The following ARHGAP44 variants were observed in gnomAD, a reference collection of about 807,000 sequenced individuals.
The protein encoded by ARHGAP44 is Rho GTPase activating protein 44.
ARHGAP44 carries 43 observed loss-of-function variants against 106.8 expected under a neutral mutation model. The observed-to-expected ratio is 0.40, with a 90% CI of 0.32 to 0.52. The LOEUF (loss-of-function observed/expected upper bound fraction) is 0.52, where lower values mean the gene tolerates loss of function less well. Among genes scored for constraint, ARHGAP44 ranks in the 20% least tolerant of loss-of-function variants. ARHGAP44 has a pLI of 0.48. For synonymous variants in ARHGAP44, 439 were observed against 410.3 expected (o/e 1.07, Z -0.85); for missense variants, 866 against 1,050.5 (o/e 0.82, Z 2.43).
At chr17:12,969,496 ACTC>A (rs1295832181) in intron 16 of ARHGAP44, among the ~76,000 whole-genome samples, 5 of 152,012 alleles carry the variant, frequency 3.3e-5, no homozygotes, top group African/African-American at 9.7e-5. Context: ...ATCAGATAGA[ACTC>A]CTCCATATTA....
At position 12,837,419 on chromosome 17, in the gene ARHGAP44, CAAAAG is replaced by C. The variant is rs988859361; in HGVS notation, c.53+47535_53+47539del. ...CTTGCTATGTACCCACAAAAAAAAG[CAAAAG>C]AAAAGAGGGTTGATTTTTAACATAT... On this transcript the variant is annotated intron_variant, in intron 1 of 20. Transcript: ENST00000379672. 7.9e-5 allele frequency among the ~76,000 whole-genome samples: 12 copies of C among 151,898 alleles called. No individual in the cohort carries two copies. The South Asian group carries it at 1.5e-3, about 18-fold the overall frequency.
intron 1 of ARHGAP44, among the ~76,000 whole-genome samples, chr17:12,871,792 C>A (rs1356785994): frequency 6.6e-6 from 1 of 152,148 alleles, no homozygotes; most frequent in Non-Finnish European, 1.5e-5. Context: ...CTCCCCCCGT[C>A]TCTCTCTTAT....
intron 6 of ARHGAP44, among the ~76,000 whole-genome samples, chr17:12,922,499 C>G (rs530971761): frequency 6.6e-6 from 1 of 152,124 alleles, no homozygotes; most frequent in East Asian, 1.9e-4. Context: ...ACACCATGCT[C>G]CTGGGCAGAG....
intron 1 of ARHGAP44, among the ~76,000 whole-genome samples, chr17:12,808,767 C>T (rs1028911585): frequency 2.0e-5 from 3 of 152,170 alleles, no homozygotes; most frequent in Non-Finnish European, 2.9e-5. Flanking sequence ...TTTGGCTCCT[C>T]GTTACTTATG....
chr17:12,793,577 G>A (rs1051302493), intron 1 of ARHGAP44, among the ~76,000 whole-genome samples: 10 of 152,104 alleles, frequency 6.6e-5, no homozygotes, highest in Non-Finnish European at 1.2e-4. Flanking sequence ...GCATGGTGGC[G>A]GGCGCCTGTA....
rs146806254 is a variant in ARHGAP44 at position 12,962,499 on chromosome 17, G to A, written c.1523+3602G>A. On this transcript the variant is annotated intron_variant, in intron 16 of 20. Transcript: ENST00000379672. Reference sequence around the variant, plus strand: ...AATATGTGATTAAAATAAGGATCTCGAAATAAGGAGATTGATTATTTTGGA... The same window carrying A: ...AATATGTGATTAAAATAAGGATCTCAAAATAAGGAGATTGATTATTTTGGA... Among the ~76,000 whole-genome samples the A allele has an allele frequency of 2.9e-3, 443 of 152,264 alleles. 2 individuals are homozygous for A. The highest frequency in any genetic ancestry group is 9.8e-3 in the African/African-American group (408 of 41,538).
intron 1 of ARHGAP44, among the ~76,000 whole-genome samples, chr17:12,890,522 G>T (rs533216774): frequency 6.6e-6 from 1 of 152,156 alleles, no homozygotes; most frequent in South Asian, 2.1e-4. Context: ...TGAACCCATG[G>T]AAGGCATCTT....
chr17:12,990,222 A>C lies in ARHGAP44; in HGVS notation c.*51A>C. ...GTGTACATACATCACGGGCCCTAGGAACGCCGCCAGGAGCAGCGTCCATGA... is the reference window on the plus strand; with the variant it reads ...GTGTACATACATCACGGGCCCTAGGCACGCCGCCAGGAGCAGCGTCCATGA... On this transcript the variant is annotated 3_prime_UTR_variant, in exon 21 of 21. Transcript: ENST00000379672. The C allele has an allele frequency of 1.3e-6, 2 of 1,573,186 alleles. No homozygotes were observed. The highest frequency in any genetic ancestry group is 1.7e-6 in the Non-Finnish European group (2 of 1,150,546).
chr17:12,962,070 G>A (rs1025336033), intron 16 of ARHGAP44, among the ~76,000 whole-genome samples: 5 of 148,770 alleles, frequency 3.4e-5, no homozygotes, highest in African/African-American at 1.2e-4. Flanking sequence ...TTTTGGCCAA[G>A]TTAAAAAAAA....
chr17:12,803,041 T>C (rs1242277695), intron 1 of ARHGAP44, among the ~76,000 whole-genome samples: 18 of 142,862 alleles, frequency 1.3e-4, no homozygotes, highest in Non-Finnish European at 1.5e-5. Flanking sequence ...GGCGCGATCT[T>C]GGCTCACTGC....
chr17:12,836,002 T>G (rs2035226649), intron 1 of ARHGAP44, among the ~76,000 whole-genome samples: 1 of 152,242 alleles, frequency 6.6e-6, no homozygotes, highest in South Asian at 2.1e-4. Context: ...GGCGGAATAG[T>G]ATTCCATTGT....
At chr17:12,808,506 C>T (rs1035773823) in intron 1 of ARHGAP44, among the ~76,000 whole-genome samples, 3 of 152,214 alleles carry the variant, frequency 2.0e-5, no homozygotes, top group Admixed American at 2.0e-4. Context: ...GGCTCAATAC[C>T]ATGTGGAGGC....
chr17:12,824,422 G>A (rs1330455682), intron 1 of ARHGAP44, among the ~76,000 whole-genome samples: 1 of 152,074 alleles, frequency 6.6e-6, no homozygotes, highest in Non-Finnish European at 1.5e-5. Context: ...AGTTCTAGGG[G>A]CTGGGTCTAG....
intron 1 of ARHGAP44, among the ~76,000 whole-genome samples, chr17:12,845,013 G>T (rs950904046): frequency 1.3e-5 from 2 of 152,146 alleles, no homozygotes; most frequent in Non-Finnish European, 2.9e-5. Flanking sequence ...ATTCTAGTCT[G>T]ACTCTGTCAT....
At chr17:12,989,569 T>A (rs1483672578) in intron 20 of ARHGAP44, among the ~76,000 whole-genome samples, 2 of 152,168 alleles carry the variant, frequency 1.3e-5, no homozygotes, top group Non-Finnish European at 2.9e-5. Flanking sequence ...ATGCAGCTGT[T>A]TCTTAGAGTG....
chr17:12,798,496 C>A (rs1369809568), intron 1 of ARHGAP44, among the ~76,000 whole-genome samples: 2 of 152,072 alleles, frequency 1.3e-5, no homozygotes, highest in Non-Finnish European at 2.9e-5. Context: ...ATGTTCCAGG[C>A]ATCATTGATA....
At chr17:12,860,004 G>A (rs753676628) in intron 1 of ARHGAP44, among the ~76,000 whole-genome samples, 35 of 152,166 alleles carry the variant, frequency 2.3e-4, no homozygotes, top group Admixed American at 1.2e-3. Context: ...ACCTGGCTCC[G>A]TGGAGATTAG....
At chr17:12,938,826 A>G (rs979748841) in intron 7 of ARHGAP44, among the ~76,000 whole-genome samples, 5 of 152,206 alleles carry the variant, frequency 3.3e-5, no homozygotes, top group African/African-American at 9.6e-5. Flanking sequence ...TTTGGAATCC[A>G]TATTGTTAGC....
chr17:12,898,585 T>C (rs963616560), intron 3 of ARHGAP44, among the ~76,000 whole-genome samples: 4 of 152,232 alleles, frequency 2.6e-5, no homozygotes, highest in African/African-American at 9.6e-5. Context: ...TATGTGACGC[T>C]TGGGCCTCCA....
Sources: allele counts gnomAD v4.1 joint callset (sites outside exome capture counted in the v4.1 genomes callset), GRCh38; gene constraint gnomAD v4.1.1; transcripts MANE v1.5; gene names NCBI Gene and HGNC (gene_info 2026-07-23, HGNC 2026-07-21).